The following VWF variants were observed in gnomAD, a reference collection of about 807,000 sequenced individuals.
VWF encodes von Willebrand factor, also known as Factor VIII related antigen.
Under a neutral mutation model 308.6 loss-of-function variants are expected in VWF, and 176 were observed. That is an observed-to-expected ratio of 0.57 (90% CI 0.50 to 0.65). The LOEUF (loss-of-function observed/expected upper bound fraction) is 0.65, where lower values mean the gene tolerates loss of function less well. Among genes scored for constraint, VWF ranks in the 30% least tolerant of loss-of-function variants. The pLI, the probability that VWF is intolerant of heterozygous loss-of-function variation, is 0.00. For missense variants in VWF, 3,146 were observed against 3,648.2 expected, an observed-to-expected ratio of 0.86 and a Z score of 3.55; for synonymous variants, 1,385 against 1,443.4, an observed-to-expected ratio of 0.96 and a Z score of 0.92.
intron 6 of VWF, among the ~76,000 whole-genome samples, chr12:6,083,169 C>T (rs971097656): frequency 2.6e-5 from 4 of 152,262 alleles, no homozygotes; most frequent in South Asian, 2.1e-4. Flanking sequence ...GTGGCTCACA[C>T]CTGTAATCCC....
chr12:6,034,970 G>T, intron 19 of VWF, 144 bp from the exon 20 acceptor site: 2 of 1,036,176 alleles, frequency 1.9e-6, no homozygotes, highest in African/African-American at 1.6e-5. Flanking sequence ...AGGACCTGTA[G>T]CGTGGAGTGT....
Position 6,034,661 on chromosome 12 carries a change from C to T in VWF, c.2685+27G>A, listed in dbSNP as rs927027144. 3 of 1,613,572 alleles carry T rather than the reference C, an allele frequency of 1.9e-6. No homozygotes were observed. The African/African-American group carries it at 4.0e-5, about 22-fold the overall frequency. On this transcript the variant is annotated intron_variant, in intron 20 of 51. Coordinates refer to ENST00000261405, the MANE Select transcript of VWF (RefSeq NM_000552.5). The stretch of plus-strand genomic sequence containing the variant: ...CCACCCCTCCTAGAAAGAAACAGCA[C>T]CCTCTCCCCATCTCCCCACCTCTCA...
At position 6,085,354 on chromosome 12, in the gene VWF, T is replaced by C. The variant is rs376331986; in HGVS notation, c.658-9803A>G. On this transcript the variant is annotated intron_variant, in intron 6 of 51. Coordinates refer to ENST00000261405, the MANE Select transcript of VWF (RefSeq NM_000552.5). ...ATTCACTTGGCGATTTGTCATTTAC[T>C]AACCCCAGACAGTCTTTCATGGTTT... 2.6e-5 allele frequency among the ~76,000 whole-genome samples: 4 copies of C among 152,268 alleles called. No homozygotes were observed. The East Asian group carries it at 7.7e-4, about 29-fold the overall frequency.
Position 6,013,612 on chromosome 12 carries a change from C to T in VWF, c.5489G>A (p.Arg1830His), listed in dbSNP as rs370511668. The T allele has an allele frequency of 7.4e-6, 12 of 1,613,458 alleles. No individual in the cohort carries two copies. The highest frequency in any genetic ancestry group is 5.3e-5 in the African/African-American group (4 of 74,878). ...GATCCGTAGCTGGGCTGCATCGTAGCGATCTCCAATTCCAATAGGGAACAC... is the reference window on the plus strand; with the variant it reads ...GATCCGTAGCTGGGCTGCATCGTAGTGATCTCCAATTCCAATAGGGAACAC... ...VTVFPIGIGDRYDAAQLRILA... is the reference protein window; with the variant it reads ...VTVFPIGIGDHYDAAQLRILA... The change falls in exon 32 of 52, where the codon CGC becomes CAC. Residue 1830 changes from arginine to histidine, a missense_variant. Physicochemically the swap from Arg to His is conservative, Grantham distance 29. Coordinates refer to ENST00000261405, the MANE Select transcript of VWF (RefSeq NM_000552.5).
chr12:6,032,562 G>C (rs1040942874), intron 20 of VWF, among the ~76,000 whole-genome samples: 1 of 141,430 alleles, frequency 7.1e-6, no homozygotes, highest in Non-Finnish European at 1.5e-5. Context: ...GGCATGAATC[G>C]AGGAGGCGGA....
At chr12:6,031,238 G>A (rs1286354957) in intron 21 of VWF, among the ~76,000 whole-genome samples, 1 of 152,116 alleles carries the variant, frequency 6.6e-6, no homozygotes, top group East Asian at 1.9e-4. Flanking sequence ...TCGCTAAAAT[G>A]GGATTGTGTC....
rs61909702 is a variant in VWF at position 5,984,934 on chromosome 12, C to T, written c.6976+111G>A. On this transcript the variant is annotated intron_variant, in intron 40 of 51. Transcript: ENST00000261405. ...GTATCCAGTCGGTCCTTACCCACCTCCTTTCACACACCCTGTGCCTGAGAA... is the reference window on the plus strand; with the variant it reads ...GTATCCAGTCGGTCCTTACCCACCTTCTTTCACACACCCTGTGCCTGAGAA... The T allele has an allele frequency of 5.4e-3, 6,435 of 1,194,586 alleles. 37 individuals are homozygous for T. The highest frequency in any genetic ancestry group is 6.6e-3 in the Non-Finnish European group (5,260 of 802,524). The allele number at this position is 1,194,586 out of a possible 1,614,324, so 74.0% of individuals were successfully genotyped here.
At chr12:5,992,220 C>T (rs1014919863) in intron 37 of VWF, among the ~76,000 whole-genome samples, 1 of 152,220 alleles carries the variant, frequency 6.6e-6, no homozygotes, top group African/African-American at 2.4e-5. Flanking sequence ...ACTATATTTC[C>T]CAACCTTTCT....
chr12:6,094,726 T>A (rs554765322), intron 6 of VWF, among the ~76,000 whole-genome samples: 3 of 152,114 alleles, frequency 2.0e-5, no homozygotes, highest in East Asian at 1.9e-4. Context: ...TCTTTTTTTT[T>A]AATTGAGACA....
At chr12:6,057,333 G>A (rs1354969630) in intron 14 of VWF, among the ~76,000 whole-genome samples, 1 of 104,392 alleles carries the variant, frequency 9.6e-6, no homozygotes, top group Non-Finnish European at 1.8e-5. Flanking sequence ...TTTTTTTGGA[G>A]AGACACGGTC....
Position 6,075,613 on chromosome 12 carries a change from G to A in VWF, c.658-62C>T, listed in dbSNP as rs766190318. Reference sequence around the variant, plus strand: ...TTAGTGTCTCCCTGAGTGTGGCACTGAGACTTAGCCCTGCTAGGGAAACCA... The same window carrying A: ...TTAGTGTCTCCCTGAGTGTGGCACTAAGACTTAGCCCTGCTAGGGAAACCA... On this transcript the variant is annotated intron_variant, in intron 6 of 51. Coordinates refer to ENST00000261405, the MANE Select transcript of VWF (RefSeq NM_000552.5). This position sits in a 1 kb window ranked among gnomAD's most constrained non-coding sequence, Gnocchi z 4.7. 7.7e-6 allele frequency: 12 copies of A among 1,550,628 alleles called. No homozygotes were observed. Among genetic ancestry groups the A allele is most frequent in the Non-Finnish European group, 1.1e-5 (12 of 1,140,446 alleles).
chr12:6,036,168 G>A lies in VWF; in HGVS notation c.2546+220C>T, dbSNP rs377449818. ...CCAAGCATTTCGGATAAGGGCTACT[G>A]TACTAACCTGTTGAATAGTGTCTAT... On this transcript the variant is annotated intron_variant, in intron 19 of 51. Transcript: ENST00000261405. Among the ~76,000 whole-genome samples, 6 of 152,224 alleles carry A rather than the reference G, an allele frequency of 3.9e-5. No homozygotes were observed. In the East Asian group the frequency reaches 9.6e-4, roughly 24 times the overall value.
At chr12:5,975,223 T>C (rs983474021) in intron 43 of VWF, among the ~76,000 whole-genome samples, 1 of 152,204 alleles carries the variant, frequency 6.6e-6, no homozygotes, top group African/African-American at 2.4e-5. Context: ...GTCAAACCAT[T>C]CACCTCGAAA....
At chr12:6,080,798 C>T (rs1591905735) in intron 6 of VWF, among the ~76,000 whole-genome samples, 1 of 152,352 alleles carries the variant, frequency 6.6e-6, no homozygotes, top group African/African-American at 2.4e-5. Flanking sequence ...TCCGCCTGTT[C>T]CCACGCCCTC....
chr12:6,032,473 A>G (rs1944277585), intron 20 of VWF, among the ~76,000 whole-genome samples: 1 of 140,814 alleles, frequency 7.1e-6, no homozygotes. Flanking sequence ...CCCCGTCTCT[A>G]CTAAAATACA....
intron 3 of VWF, among the ~76,000 whole-genome samples, 191 bp downstream of exon 3, chr12:6,120,983 G>A (rs540910985): frequency 3.4e-4 from 52 of 152,278 alleles, no homozygotes; most frequent in African/African-American, 1.1e-3. Flanking sequence ...CATCCCACCC[G>A]GCTCCCGTGG....
chr12:6,012,409 T>C (rs1208578929), intron 32 of VWF, among the ~76,000 whole-genome samples: 1 of 152,236 alleles, frequency 6.6e-6, no homozygotes, highest in Non-Finnish European at 1.5e-5. Context: ...TTGGTTCACA[T>C]GTAGATCACG....
intron 38 of VWF, among the ~76,000 whole-genome samples, chr12:5,987,507 A>C (rs526861): frequency 6.6e-6 from 1 of 151,792 alleles, no homozygotes; most frequent in African/African-American, 2.4e-5. Context: ...CTTCTCATCA[A>C]CAGACACAGT....
At chr12:6,106,207 T>G (rs1945241986) in intron 5 of VWF, among the ~76,000 whole-genome samples, 1 of 152,222 alleles carries the variant, frequency 6.6e-6, no homozygotes, top group South Asian at 2.1e-4. Context: ...CAATGAAATT[T>G]TTTTTCTTTT....
Sources: gnomAD v4.1 joint callset for allele counts (sites outside exome capture counted in the v4.1 genomes callset) on GRCh38, gnomAD v4.1.1 for gene constraint, Gnocchi (gnomAD v3.1) non-coding constraint, MANE v1.5 for transcripts, NCBI Gene and HGNC (gene_info 2026-07-23, HGNC 2026-07-21) for gene names.